CLSTN2: variants seen among roughly 807,000 people sequenced by gnomAD.
CLSTN2 encodes calsyntenin-2.
Under a neutral mutation model 101.2 loss-of-function variants are expected in CLSTN2, and 48 were observed. The ratio of observed to expected loss-of-function variants is 0.47; its 90% confidence interval spans 0.38 to 0.60. The LOEUF is 0.60. Ranked by LOEUF, CLSTN2 falls within the 20% of genes least tolerant of loss-of-function variation. The pLI is 0.00. For missense variants in CLSTN2, 1,160 were observed against 1,238.2 expected (o/e 0.94, Z 0.95); for synonymous variants, 481 against 463.6 (o/e 1.04, Z -0.48).
chr3:140,057,662 C>T (rs1451538521), intron 1 of CLSTN2, among the ~76,000 whole-genome samples: 6 of 152,246 alleles, frequency 3.9e-5, no homozygotes, highest in Admixed American at 2.6e-4. Context: ...TCTTTAACAA[C>T]CCCTTAATAA....
chr3:140,328,785 G>A (rs941733357), intron 2 of CLSTN2, among the ~76,000 whole-genome samples: 3 of 152,168 alleles, frequency 2.0e-5, no homozygotes, highest in African/African-American at 7.2e-5. Flanking sequence ...AAAAATGATA[G>A]TAGCAGTACT....
rs535297435 is a variant in CLSTN2, at chr3:140,513,339, G to A, written c.1345-18985G>A. Among the ~76,000 whole-genome samples the A allele has an allele frequency of 3.4e-4, 51 of 152,156 alleles. No homozygotes were observed. In the South Asian group the frequency reaches 0.01, roughly 31 times the overall value. ...TGAAGCGATGTTAAATTTTATCAAA[G>A]GCCTTTTCTGCATCTATTGAGATAA... On this transcript the variant is annotated intron_variant, in intron 8 of 16. Transcript: ENST00000458420.
At chr3:140,394,069 G>A (rs1260423013) in intron 2 of CLSTN2, among the ~76,000 whole-genome samples, 1 of 152,138 alleles carries the variant, frequency 6.6e-6, no homozygotes, top group East Asian at 1.9e-4. Flanking sequence ...GCCTGTCTGG[G>A]CTGGTCTGCC....
Position 140,279,243 on chromosome 3 carries a change from G to A in CLSTN2, c.232+103170G>A, listed in dbSNP as rs942018370. 2.6e-5 allele frequency among the ~76,000 whole-genome samples: 4 copies of A among 151,922 alleles called. No individual in the cohort carries two copies. The East Asian group carries it at 7.7e-4, about 29-fold the overall frequency. On this transcript the variant is annotated intron_variant, in intron 2 of 16. Transcript: ENST00000458420. ...CCTTTCCTTGTGAAGATAGAGAAAA[G>A]CCCAGGGCTGCAGGCAGAGCTCCCA... is the stretch of plus-strand genomic sequence containing the variant.
intron 8 of CLSTN2, among the ~76,000 whole-genome samples, chr3:140,504,952 G>GT (rs1478610791): frequency 2.6e-5 from 4 of 152,026 alleles, no homozygotes. Flanking sequence ...GCAAATATCC[G>GT]TAACAGCCTG....
chr3:140,381,502 T>A (rs963080180), intron 2 of CLSTN2, among the ~76,000 whole-genome samples: 5 of 152,238 alleles, frequency 3.3e-5, no homozygotes, highest in Admixed American at 3.3e-4. Flanking sequence ...GTAAAAAGAA[T>A]ACCTAAGTCC....
At chr3:140,294,917 G>T (rs2086988806) in intron 2 of CLSTN2, among the ~76,000 whole-genome samples, 1 of 152,110 alleles carries the variant, frequency 6.6e-6, no homozygotes, top group Admixed American at 6.5e-5. Context: ...GCTCACTTGG[G>T]TTTCTCCTAA....
chr3:140,524,110 G>A (rs996174439), intron 8 of CLSTN2, among the ~76,000 whole-genome samples: 1 of 152,212 alleles, frequency 6.6e-6, no homozygotes, highest in Non-Finnish European at 1.5e-5. Context: ...CAAAAGCAAT[G>A]GCAGTATTCT....
intron 2 of CLSTN2, among the ~76,000 whole-genome samples, chr3:140,288,301 A>T (rs1418875632): frequency 2.0e-5 from 3 of 152,194 alleles, no homozygotes; most frequent in Non-Finnish European, 4.4e-5. Flanking sequence ...AGACAGAAGG[A>T]AGAAAGACCT....
At chr3:140,322,969 A>C (rs2107924731) in intron 2 of CLSTN2, among the ~76,000 whole-genome samples, 1 of 152,324 alleles carries the variant, frequency 6.6e-6, no homozygotes, top group African/African-American at 2.4e-5. Context: ...TAATGATCTG[A>C]TCCATGCCGC....
intron 2 of CLSTN2, among the ~76,000 whole-genome samples, chr3:140,378,744 T>C (rs4368462): frequency 1 from 152,079 of 152,294 alleles, 75,934 homozygotes; most frequent in Middle Eastern, 1. Context: ...ACGGGCTGTG[T>C]GGCCTTGGGT....
intron 6 of CLSTN2, chr3:140,449,318 A>G (rs1214979736): frequency 1.3e-5 from 2 of 152,252 alleles, no homozygotes; most frequent in African/African-American, 2.4e-5. Context: ...CCAAAGATGG[A>G]GTCTTTCCTT....
chr3:140,489,343 C>G (rs1233190341), intron 8 of CLSTN2, among the ~76,000 whole-genome samples: 1 of 152,150 alleles, frequency 6.6e-6, no homozygotes, highest in Non-Finnish European at 1.5e-5. Flanking sequence ...ATGCATCTTG[C>G]TTTAGGATAA....
chr3:140,503,696 G>GTTGT (rs1172916756), intron 8 of CLSTN2, among the ~76,000 whole-genome samples: 1 of 152,210 alleles, frequency 6.6e-6, no homozygotes, highest in Non-Finnish European at 1.5e-5. Flanking sequence ...TCTCCAGGAT[G>GTTGT]TTGTTAGAAA....
intron 8 of CLSTN2, among the ~76,000 whole-genome samples, 156 bp downstream of exon 8, chr3:140,466,887 C>G (rs529815): frequency 6.6e-6 from 1 of 151,918 alleles, no homozygotes; most frequent in African/African-American, 2.4e-5. Context: ...ATCTTAAAGT[C>G]AGGAAGGAAA....
At chr3:140,484,370 G>A (rs544701532) in intron 8 of CLSTN2, among the ~76,000 whole-genome samples, 144 of 152,240 alleles carry the variant, frequency 9.5e-4, no homozygotes, top group African/African-American at 3.3e-3. Flanking sequence ...TGGGTAACCC[G>A]ACCTTTCTCT....
chr3:140,040,006 A>G (rs919945252), intron 1 of CLSTN2, among the ~76,000 whole-genome samples: 1 of 152,196 alleles, frequency 6.6e-6, no homozygotes. Context: ...TATTAATTAC[A>G]ATTCTGTACA....
chr3:140,026,998 T>G (rs375120366), intron 1 of CLSTN2, among the ~76,000 whole-genome samples: 7 of 152,332 alleles, frequency 4.6e-5, no homozygotes, highest in Admixed American at 2.6e-4. Context: ...TTATCGCCAA[T>G]GGGAGCATAG....
chr3:140,156,727 C>A (rs1002935426), intron 1 of CLSTN2, among the ~76,000 whole-genome samples: 4 of 152,200 alleles, frequency 2.6e-5, no homozygotes, highest in African/African-American at 9.6e-5. Context: ...GGTTTCATCA[C>A]CTCCTACTCA....
Sources: gnomAD v4.1 joint callset for allele counts (sites outside exome capture counted in the v4.1 genomes callset) on GRCh38, gnomAD v4.1.1 for gene constraint, MANE v1.5 for transcripts, NCBI Gene and HGNC (gene_info 2026-07-23, HGNC 2026-07-21) for gene names.